The following ELAPOR2 variants were observed in gnomAD, a reference collection of about 807,000 sequenced individuals.
The protein encoded by ELAPOR2 is endosome/lysosome-associated apoptosis and autophagy regulator family member 2.
Under a neutral mutation model 120.7 loss-of-function variants are expected in ELAPOR2, and 89 were observed. The ratio of observed to expected loss-of-function variants is 0.74; its 90% confidence interval spans 0.62 to 0.88. ELAPOR2 has a LOEUF of 0.88. Among genes scored for constraint, ELAPOR2 ranks in the 40% least tolerant of loss-of-function variants. ELAPOR2 has a pLI of 0.00. For missense variants in ELAPOR2, 1,134 were observed against 1,251.6 expected, an observed-to-expected ratio of 0.91 and a Z score of 1.42; for synonymous variants, 444 against 444.9, an observed-to-expected ratio of 1.00 and a Z score of 0.03.
intron 1 of ELAPOR2, among the ~76,000 whole-genome samples, chr7:87,028,032 A>C (rs1794300301): frequency 6.6e-6 from 1 of 152,196 alleles, no homozygotes; most frequent in Non-Finnish European, 1.5e-5. Context: ...TGCTATTCTT[A>C]GAACAAAATC....
chr7:86,917,606 G>A (rs1417484601), intron 12 of ELAPOR2, among the ~76,000 whole-genome samples: 1 of 152,028 alleles, frequency 6.6e-6, no homozygotes, highest in Non-Finnish European at 1.5e-5. Context: ...AGACTTACGG[G>A]TTATTTGTGA....
At chr7:86,920,357 C>T (rs571418847) in intron 10 of ELAPOR2, among the ~76,000 whole-genome samples, 62 of 152,194 alleles carry the variant, frequency 4.1e-4, no homozygotes, top group African/African-American at 1.4e-3. Flanking sequence ...AGTGGGACAA[C>T]AGGCCCTTGA....
At chr7:87,044,819 C>T (rs1794897309) in intron 1 of ELAPOR2, among the ~76,000 whole-genome samples, 1 of 150,566 alleles carries the variant, frequency 6.6e-6, no homozygotes, top group Non-Finnish European at 1.5e-5. Context: ...AGTGAACAGG[C>T]AACCTACAAA....
At chr7:86,990,868 AG>A (rs1792922309) in intron 1 of ELAPOR2, among the ~76,000 whole-genome samples, 1 of 152,234 alleles carries the variant, frequency 6.6e-6, no homozygotes, top group Admixed American at 6.5e-5. Flanking sequence ...GCTAACTACA[AG>A]AATTTATTTA....
chr7:86,925,448 T>A, intron 10 of ELAPOR2, 80 bp downstream of exon 10: 1 of 1,443,052 alleles, frequency 6.9e-7, no homozygotes, highest in Non-Finnish European at 9.6e-7. Context: ...CCATACTTGG[T>A]ATGTTTTAGA....
intron 1 of ELAPOR2, among the ~76,000 whole-genome samples, chr7:86,968,949 A>G (rs1476264666): frequency 6.6e-6 from 1 of 152,186 alleles, no homozygotes; most frequent in Admixed American, 6.6e-5. Context: ...CAAATAATAA[A>G]ACAATAAAAT....
At chr7:87,049,525 G>A (rs1350513323) in intron 1 of ELAPOR2, among the ~76,000 whole-genome samples, 3 of 152,054 alleles carry the variant, frequency 2.0e-5, no homozygotes, top group Admixed American at 6.6e-5. Flanking sequence ...CTCGTGATCC[G>A]CCAGCCTCGG....
Position 86,909,814 on chromosome 7 carries a change from A to G in ELAPOR2, c.2357T>C (p.Ile786Thr), listed in dbSNP as rs762795563. The G allele has an allele frequency of 2.5e-6, 4 of 1,606,534 alleles. No homozygotes were observed. The highest frequency in any genetic ancestry group is 3.4e-6 in the Non-Finnish European group (4 of 1,176,386). Reference sequence around the variant, plus strand: ...TATATGAACCAAAGGAAGCTTACCTATGAATGTATCTGCCAGAATGATGGA... The same window carrying G: ...TATATGAACCAAAGGAAGCTTACCTGTGAATGTATCTGCCAGAATGATGGA... Reference protein sequence around the residue: ...SQSIILADTFIGVTVETTLKN... With the variant: ...SQSIILADTFTGVTVETTLKN... Residue 786 changes from isoleucine (I) to threonine (T), a missense_variant and splice_region_variant, in exon 16 of 22, where the codon ATA (isoleucine) becomes ACA (threonine). This residue lies in a region of ELAPOR2 where 831 missense variants were observed against 867.6 expected (regional missense o/e 0.96). Coordinates refer to ENST00000450689, the MANE Select transcript of ELAPOR2 (RefSeq NM_001142749.3).
chr7:86,950,498 A>C (rs1300665493), intron 2 of ELAPOR2, among the ~76,000 whole-genome samples: 1 of 152,062 alleles, frequency 6.6e-6, no homozygotes, highest in Non-Finnish European at 1.5e-5. Flanking sequence ...TCTGTCTCCA[A>C]GCTTCTGGGT....
At chr7:86,998,824 T>C (rs1278885709) in intron 1 of ELAPOR2, among the ~76,000 whole-genome samples, 3 of 151,112 alleles carry the variant, frequency 2.0e-5, no homozygotes, top group Non-Finnish European at 4.4e-5. Context: ...CTACCAATTC[T>C]TTTTAGAATT....
rs568120325 is a variant in ELAPOR2, at chr7:86,985,016, C to G, written c.190-19992G>C. ...GATAAAGGGGATATCACCACCAATC[C>G]CACAGAAATACAAACTATAATCAAA... On this transcript the variant is annotated intron_variant, in intron 1 of 21. Coordinates refer to ENST00000450689, the MANE Select transcript of ELAPOR2 (RefSeq NM_001142749.3). Among the ~76,000 whole-genome samples, 99 of 152,090 alleles carry G rather than the reference C, an allele frequency of 6.5e-4. 1 individual carries two copies. In the South Asian group the frequency reaches 0.02, roughly 31 times the overall value.
chr7:86,938,617 G>T (rs1478881177), intron 7 of ELAPOR2, among the ~76,000 whole-genome samples, 191 bp downstream of exon 7: 1 of 151,974 alleles, frequency 6.6e-6, no homozygotes, highest in African/African-American at 2.4e-5. Flanking sequence ...ACAAATCACA[G>T]ACCTATACTG....
intron 1 of ELAPOR2, among the ~76,000 whole-genome samples, chr7:87,032,993 A>G (rs564554609): frequency 2.0e-5 from 3 of 152,338 alleles, no homozygotes; most frequent in African/African-American, 7.2e-5. Flanking sequence ...AAAAGAAATC[A>G]TGTGAAAATG....
chr7:87,024,052 T>C (rs1187851998), intron 1 of ELAPOR2, among the ~76,000 whole-genome samples: 1 of 152,198 alleles, frequency 6.6e-6, no homozygotes, highest in Non-Finnish European at 1.5e-5. Flanking sequence ...TTGAATACCC[T>C]TTATTTCCTT....
chr7:86,941,633 G>A (rs902369025), intron 5 of ELAPOR2, among the ~76,000 whole-genome samples: 3 of 152,040 alleles, frequency 2.0e-5, no homozygotes, highest in Admixed American at 6.6e-5. Context: ...CCACTAATTC[G>A]ATCACATATG....
rs555816961 is a variant in ELAPOR2 at position 86,933,683 on chromosome 7, C to T, written c.1089+4443G>A. On this transcript the variant is annotated intron_variant, in intron 8 of 21. Coordinates refer to ENST00000450689, the MANE Select transcript of ELAPOR2 (RefSeq NM_001142749.3). ...ATATTCCTCCCCTTGCTTTTCATGTCCAACCCCTTCATTAGAGAAATCCTA... is the reference window on the plus strand; with the variant it reads ...ATATTCCTCCCCTTGCTTTTCATGTTCAACCCCTTCATTAGAGAAATCCTA... Among the ~76,000 whole-genome samples the T allele has an allele frequency of 4.6e-5, 7 of 152,110 alleles. No individual in the cohort carries two copies. In the South Asian group the frequency reaches 1.5e-3, roughly 32 times the overall value.
At chr7:87,040,183 G>C (rs547190461) in intron 1 of ELAPOR2, among the ~76,000 whole-genome samples, 11 of 152,336 alleles carry the variant, frequency 7.2e-5, no homozygotes, top group South Asian at 6.2e-4. Context: ...AGGCGGCAGC[G>C]AGGCTGGGGG....
At chr7:86,914,100 C>A (rs1789449248) in intron 13 of ELAPOR2, among the ~76,000 whole-genome samples, 1 of 152,142 alleles carries the variant, frequency 6.6e-6, no homozygotes, top group African/African-American at 2.4e-5. Context: ...CACTTTTGAA[C>A]AAGTGGTTTA....
intron 8 of ELAPOR2, among the ~76,000 whole-genome samples, chr7:86,932,685 A>G (rs1209521309): frequency 6.6e-6 from 1 of 151,978 alleles, no homozygotes; most frequent in African/African-American, 2.4e-5. Context: ...AACCATGAAC[A>G]GCTTAATTGA....
Sources: allele counts gnomAD v4.1 joint callset (sites outside exome capture counted in the v4.1 genomes callset), GRCh38; gene constraint gnomAD v4.1.1; regional missense constraint gnomAD v4.1.1; transcripts MANE v1.5; gene names NCBI Gene and HGNC (gene_info 2026-07-23, HGNC 2026-07-21).